The following RALGAPA2 variants were observed in gnomAD, a reference collection of about 807,000 sequenced individuals.
RALGAPA2 encodes the protein Ral GTPase activating protein catalytic subunit alpha 2.
RALGAPA2 carries 139 observed loss-of-function variants against 230.4 expected under a neutral mutation model. That is an observed-to-expected ratio of 0.60 (90% CI 0.53 to 0.69). The LOEUF (loss-of-function observed/expected upper bound fraction) is 0.69. Among genes scored for constraint, RALGAPA2 ranks in the 30% least tolerant of loss-of-function variants. The pLI is 0.00. For missense variants in RALGAPA2, 2,163 were observed against 2,276.0 expected, an observed-to-expected ratio of 0.95 and a Z score of 1.01; for synonymous variants, 847 against 837.8, an observed-to-expected ratio of 1.01 and a Z score of -0.19.
chr20:20,632,044 A>G (rs1395254824), intron 9 of RALGAPA2, among the ~76,000 whole-genome samples: 1 of 145,068 alleles, frequency 6.9e-6, no homozygotes, highest in African/African-American at 2.6e-5. Flanking sequence ...TTTTTTTTTG[A>G]GACAGAGTCT....
intron 37 of RALGAPA2, among the ~76,000 whole-genome samples, chr20:20,465,071 G>C (rs199571063): frequency 4.2e-3 from 630 of 149,364 alleles, no homozygotes; most frequent in Middle Eastern, 0.021. Flanking sequence ...TATAAAATAT[G>C]ATTTACTTTT....
chr20:20,461,386 G>A (rs527971737), intron 37 of RALGAPA2, among the ~76,000 whole-genome samples: 1 of 152,198 alleles, frequency 6.6e-6, no homozygotes, highest in South Asian at 2.1e-4. Flanking sequence ...CAATTTAACT[G>A]AGTTCAATTT....
chr20:20,412,298 T>A, intron 37 of RALGAPA2, 150 bp from the exon 38 acceptor site: 1 of 1,094,430 alleles, frequency 9.1e-7, no homozygotes, highest in Non-Finnish European at 1.3e-6. Flanking sequence ...TAAGTATTAG[T>A]CATAATTCAT....
At chr20:20,613,161 A>G (rs2066025358) in intron 13 of RALGAPA2, among the ~76,000 whole-genome samples, 1 of 152,224 alleles carries the variant, frequency 6.6e-6, no homozygotes, top group South Asian at 2.1e-4. Flanking sequence ...ACAACCTGCC[A>G]AAGCTGCCAG....
intron 3 of RALGAPA2, among the ~76,000 whole-genome samples, chr20:20,669,232 A>G (rs1234768481): frequency 6.6e-6 from 1 of 152,232 alleles, no homozygotes; most frequent in East Asian, 1.9e-4. Flanking sequence ...ACATACATGT[A>G]TAACTCCAAA....
chr20:20,451,803 T>G (rs2060994918), intron 37 of RALGAPA2, among the ~76,000 whole-genome samples: 1 of 152,244 alleles, frequency 6.6e-6, no homozygotes, highest in Non-Finnish European at 1.5e-5. Context: ...CATTTTAATA[T>G]AAATTTATAA....
chr20:20,431,524 C>T (rs1200001293), intron 37 of RALGAPA2, among the ~76,000 whole-genome samples: 1 of 152,182 alleles, frequency 6.6e-6, no homozygotes, highest in African/African-American at 2.4e-5. Flanking sequence ...CTTAAACATG[C>T]ACCAGGCTTT....
chr20:20,412,966 T>C (rs1266723164), intron 37 of RALGAPA2, among the ~76,000 whole-genome samples: 3 of 152,360 alleles, frequency 2.0e-5, no homozygotes, highest in South Asian at 2.1e-4. Flanking sequence ...AGGTGAATCA[T>C]GCACTTCCAA....
At chr20:20,408,854 A>G (rs533596126) in intron 38 of RALGAPA2, among the ~76,000 whole-genome samples, 6 of 152,382 alleles carry the variant, frequency 3.9e-5, no homozygotes, top group African/African-American at 1.4e-4. Flanking sequence ...ATGCTGGTCA[A>G]AAAAGGAAGG....
intron 9 of RALGAPA2, chr20:20,635,209 T>C (rs889997980): frequency 8.6e-5 from 50 of 579,716 alleles, no homozygotes; most frequent in Admixed American, 4.7e-4. Context: ...TGCATCATCA[T>C]GGCAGTCCCA....
intron 14 of RALGAPA2, among the ~76,000 whole-genome samples, chr20:20,609,709 A>G (rs1603049217): frequency 1.3e-5 from 2 of 152,234 alleles, no homozygotes; most frequent in Admixed American, 6.5e-5. Context: ...TTGGCAGCCC[A>G]GGTCCAGGAC....
In RALGAPA2 at chr20:20,393,114, G is replaced by T; in HGVS notation, c.*175C>A. On this transcript the variant is annotated 3_prime_UTR_variant, in exon 40 of 40. Coordinates refer to ENST00000202677, the MANE Select transcript of RALGAPA2 (RefSeq NM_020343.4). ...CAGAAGTCCACTAATGGGAAGACCTGCTGAGGGCACTAGTACAGCAACGAA... is the reference window on the plus strand; with the variant it reads ...CAGAAGTCCACTAATGGGAAGACCTTCTGAGGGCACTAGTACAGCAACGAA... The T allele has an allele frequency of 7.4e-7, 1 of 1,359,404 alleles. No individual in the cohort carries two copies. The highest frequency in any genetic ancestry group is 9.8e-7 in the Non-Finnish European group (1 of 1,018,728). The allele number at this position is 1,359,404 out of a possible 1,614,324, so 84.2% of individuals were successfully genotyped here.
chr20:20,560,272 G>A (rs2064218056), intron 23 of RALGAPA2, among the ~76,000 whole-genome samples: 1 of 152,202 alleles, frequency 6.6e-6, no homozygotes, highest in South Asian at 2.1e-4. Context: ...CAGGAAAATG[G>A]TAGGTATTTT....
chr20:20,574,448 G>T (rs1042564844), intron 20 of RALGAPA2, among the ~76,000 whole-genome samples: 3 of 152,108 alleles, frequency 2.0e-5, no homozygotes, highest in African/African-American at 7.2e-5. Context: ...TAATTTTACC[G>T]ATTAAGTTAT....
In RALGAPA2 at chr20:20,436,511, C is replaced by T. The variant is rs6112899; in HGVS notation, c.5496-24363G>A. 6.3e-3 allele frequency among the ~76,000 whole-genome samples: 954 copies of T among 152,296 alleles called. 6 individuals carry two copies. The highest frequency in any genetic ancestry group is 0.021 in the African/African-American group (878 of 41,568). On this transcript the variant is annotated intron_variant, in intron 37 of 39. Transcript: ENST00000202677. ...GTTGATAAAGTGTATTTAAGCGTCA[C>T]GGCAATACATGAGTAAGACGGCAAA...
intron 1 of RALGAPA2, among the ~76,000 whole-genome samples, chr20:20,701,763 C>G (rs554861211): frequency 6.7e-6 from 1 of 150,342 alleles, no homozygotes; most frequent in South Asian, 2.1e-4. Context: ...ATGGTGCGGC[C>G]AGGCGCAGTG....
chr20:20,442,545 G>T (rs1404840378), intron 37 of RALGAPA2, among the ~76,000 whole-genome samples: 6 of 152,246 alleles, frequency 3.9e-5, no homozygotes, highest in African/African-American at 1.4e-4. Flanking sequence ...AGCATGGATT[G>T]TAATCAGACA....
chr20:20,508,899 G>A lies in RALGAPA2; in HGVS notation c.4928+2355C>T, dbSNP rs541901817. ...AGTGAAGGTTGATCAAGGGGCAGGG[G>A]ACTGCCACTCAGCTATTCAAAGCCA... On this transcript the variant is annotated intron_variant, in intron 33 of 39. Transcript: ENST00000202677. Among the ~76,000 whole-genome samples the A allele has an allele frequency of 3.3e-5, 5 of 152,312 alleles. No individual in the cohort carries two copies. The South Asian group carries it at 1.0e-3, about 32-fold the overall frequency.
Position 20,601,747 on chromosome 20 carries a change from C to T in RALGAPA2, c.2138G>A (p.Ser713Asn). ...PDVTEPMRFR[S>N]ATTSGAPGVE... ...TCCCGGTGCTCCAGACGTGGTGGCA[C>T]TCCTAAATCGCATCGGTTCGGTCAC... is the stretch of plus-strand genomic sequence containing the variant. The change falls in exon 16 of 40, where the codon AGT becomes AAT. Residue 713 changes from serine (S) to asparagine (N), a missense_variant. Transcript: ENST00000202677. 1 of 1,613,920 alleles carries T rather than the reference C, an allele frequency of 6.2e-7. No individual in the cohort carries two copies. The highest frequency in any genetic ancestry group is 8.5e-7 in the Non-Finnish European group (1 of 1,179,832).
Sources: allele counts gnomAD v4.1 joint callset (sites outside exome capture counted in the v4.1 genomes callset), GRCh38; gene constraint gnomAD v4.1.1; transcripts MANE v1.5; gene names NCBI Gene and HGNC (gene_info 2026-07-23, HGNC 2026-07-21).